The following USH2A variants were observed in gnomAD, a reference collection of about 807,000 sequenced individuals.
USH2A encodes the protein Usher syndrome 2A (autosomal recessive, mild).
In USH2A, 443 loss-of-function variants were observed where a neutral mutation model predicts 538.9. The ratio of observed to expected loss-of-function variants is 0.82; its 90% CI spans 0.76 to 0.89. The LOEUF is 0.89. Among genes scored for constraint, USH2A ranks in the 40% least tolerant of loss-of-function variants. USH2A has a pLI of 0.00. For missense variants in USH2A, 6,633 were observed against 6,324.8 expected (o/e 1.05, Z -1.65); for synonymous variants, 2,413 against 2,273.5 (o/e 1.06, Z -1.75).
intron 8 of USH2A, 101 bp downstream of exon 8, chr1:216,323,373 A>G (rs2037656028): frequency 4.1e-6 from 5 of 1,205,906 alleles, no homozygotes; most frequent in Non-Finnish European, 4.8e-6. Context: ...AATCATTTCA[A>G]AATGTAAAGC....
chr1:216,416,481 G>A lies in USH2A; in HGVS notation c.651+2033C>T, dbSNP rs543810970. On this transcript the variant is annotated intron_variant, in intron 3 of 71. Coordinates refer to ENST00000307340, the MANE Select transcript of USH2A (RefSeq NM_206933.4). ...AAATAAATAAAAGAGTGTACAAATCGAAAAGGACAAGTTTTCTCTTGATAG... is the reference window on the plus strand; with the variant it reads ...AAATAAATAAAAGAGTGTACAAATCAAAAAGGACAAGTTTTCTCTTGATAG... Among the ~76,000 whole-genome samples the A allele has an allele frequency of 1.7e-3, 260 of 152,098 alleles. 2 individuals are homozygous for A. Among genetic ancestry groups the A allele is most frequent in the African/African-American group, 6.0e-3 (248 of 41,520 alleles).
At chr1:216,344,016 A>G (rs2038128109) in intron 4 of USH2A, among the ~76,000 whole-genome samples, 1 of 151,994 alleles carries the variant, frequency 6.6e-6, no homozygotes. Flanking sequence ...ACTTTACTCT[A>G]TGGACTCACC....
intron 60 of USH2A, among the ~76,000 whole-genome samples, chr1:215,737,955 C>T (rs925008199): frequency 2.0e-5 from 3 of 152,002 alleles, no homozygotes; most frequent in South Asian, 2.1e-4. Context: ...ATTTTTACAG[C>T]ATTTACAGGG....
intron 54 of USH2A, among the ~76,000 whole-genome samples, chr1:215,781,138 A>G (rs1365189733): frequency 6.6e-6 from 1 of 151,838 alleles, no homozygotes; most frequent in Non-Finnish European, 1.5e-5. Context: ...AATATTCCAT[A>G]TTTGTTTCTC....
intron 11 of USH2A, among the ~76,000 whole-genome samples, chr1:216,276,481 A>G (rs775337215): frequency 2.0e-5 from 3 of 152,094 alleles, no homozygotes; most frequent in African/African-American, 2.4e-5. Flanking sequence ...CTCTTTCTTG[A>G]TTCTTGGAGT....
chr1:215,656,131 C>T (rs77023818), intron 64 of USH2A, among the ~76,000 whole-genome samples: 2,321 of 152,310 alleles, frequency 0.015, 57 homozygotes, highest in African/African-American at 0.052. Context: ...AAAGGTCTTT[C>T]TAATGCCTGT....
At chr1:216,049,133 A>G (rs1438143631) in intron 30 of USH2A, among the ~76,000 whole-genome samples, 2 of 152,224 alleles carry the variant, frequency 1.3e-5, no homozygotes, top group Non-Finnish European at 1.5e-5. Flanking sequence ...TGGCTTCATT[A>G]TTTTAACAGT....
At position 216,422,316 on chromosome 1, in the gene USH2A, T is replaced by C; in HGVS notation, c.21A>G (p.Ser7=). The C allele has an allele frequency of 6.2e-7, 1 of 1,613,762 alleles. No individual in the cohort carries two copies. The highest frequency in any genetic ancestry group is 1.1e-5 in the South Asian group (1 of 91,082). The change falls in exon 2 of 72, where the codon TCA becomes TCG. Residue 7 remains serine, a synonymous_variant. Transcript: ENST00000307340. ...CCTGAAACAAGAAGCCAGAGCCCAA[T>C]GAAAGAACTGGGCAATTCATGTTTA... MNCPVL[S]LGSGFLFQVI...
chr1:215,773,719 G>A (rs1661371739), intron 55 of USH2A, among the ~76,000 whole-genome samples: 1 of 151,970 alleles, frequency 6.6e-6, no homozygotes, highest in South Asian at 2.1e-4. Flanking sequence ...CACTTGCCTG[G>A]GATCTCACTA....
chr1:215,719,071 A>G (rs1267894197), intron 61 of USH2A, among the ~76,000 whole-genome samples: 6 of 152,200 alleles, frequency 3.9e-5, no homozygotes, highest in Admixed American at 6.5e-5. Context: ...CTGATAAACT[A>G]CTATTTGGCA....
intron 61 of USH2A, among the ~76,000 whole-genome samples, chr1:215,723,189 C>G (rs908561262): frequency 6.6e-6 from 1 of 152,176 alleles, no homozygotes; most frequent in Non-Finnish European, 1.5e-5. Context: ...GAAAGACCTA[C>G]ATAGAGATGA....
At chr1:215,732,277 A>C (rs1439672996) in intron 60 of USH2A, among the ~76,000 whole-genome samples, 1 of 152,170 alleles carries the variant, frequency 6.6e-6, no homozygotes, top group Non-Finnish European at 1.5e-5. Context: ...AGACATCACA[A>C]ACCTTTCAAA....
At chr1:215,812,726 C>T (rs1662730651) in intron 49 of USH2A, among the ~76,000 whole-genome samples, 1 of 152,100 alleles carries the variant, frequency 6.6e-6, no homozygotes, top group Non-Finnish European at 1.5e-5. Flanking sequence ...TTTGTATTCT[C>T]AATTACTTTT....
chr1:215,730,193 A>T (rs148133812), intron 60 of USH2A, among the ~76,000 whole-genome samples: 65 of 152,346 alleles, frequency 4.3e-4, no homozygotes, highest in Non-Finnish European at 7.1e-4. Context: ...CATTTGGAAC[A>T]GTTCTTTTCT....
chr1:215,651,710 T>TG lies in USH2A; in HGVS notation c.14134-910dup, dbSNP rs1657085806. On this transcript the variant is annotated intron_variant, in intron 64 of 71. Coordinates refer to ENST00000307340, the MANE Select transcript of USH2A (RefSeq NM_206933.4). ...GAATGTTCAAAATAGGAGATATTTG[T>TG]GGGGGAAAAAAAGAAAAAACCTATG... is the stretch of plus-strand genomic sequence containing the variant. 2.6e-5 allele frequency among the ~76,000 whole-genome samples: 4 copies of TG among 151,670 alleles called. No homozygotes were observed. In the South Asian group the frequency reaches 8.3e-4, roughly 32 times the overall value.
chr1:216,355,372 AAAGAAGG>A (rs2038372713), intron 4 of USH2A, among the ~76,000 whole-genome samples: 1 of 150,734 alleles, frequency 6.6e-6, no homozygotes, highest in Non-Finnish European at 1.5e-5. Flanking sequence ...AGAAAGAAAG[AAAGAAGG>A]AAAGAAACAT....
intron 13 of USH2A, among the ~76,000 whole-genome samples, chr1:216,240,642 GTTCT>G (rs1310383277): frequency 1.3e-5 from 2 of 151,494 alleles, no homozygotes; most frequent in Non-Finnish European, 2.9e-5. Context: ...ATTTCAAATC[GTTCT>G]TTATGTTTAG....
At chr1:216,096,279 C>T (rs1211662291) in intron 22 of USH2A, among the ~76,000 whole-genome samples, 3 of 152,186 alleles carry the variant, frequency 2.0e-5, no homozygotes, top group Non-Finnish European at 4.4e-5. Context: ...GCCATGTTCT[C>T]GTCCACCTCA....
chr1:215,681,966 A>G (rs904292528), intron 61 of USH2A, among the ~76,000 whole-genome samples: 6 of 152,336 alleles, frequency 3.9e-5, no homozygotes, highest in Non-Finnish European at 7.3e-5. Flanking sequence ...TAAAATATTA[A>G]AAGTTAGATC....
Sources: gnomAD v4.1 joint callset for allele counts (sites outside exome capture counted in the v4.1 genomes callset) on GRCh38, gnomAD v4.1.1 for gene constraint, MANE v1.5 for transcripts, NCBI Gene and HGNC (gene_info 2026-07-23, HGNC 2026-07-21) for gene names.